The following AAGAB variants were observed in gnomAD, a reference collection of about 807,000 sequenced individuals.
AAGAB encodes alpha- and gamma-adaptin-binding protein p34.
Under a neutral mutation model 44.1 loss-of-function variants are expected in AAGAB, and 38 were observed. The observed-to-expected ratio is 0.86, with a 90% CI of 0.67 to 1.13. The LOEUF (loss-of-function observed/expected upper bound fraction) is 1.13, where lower values mean the gene tolerates loss of function less well. AAGAB is among the 50% of genes most tolerant of loss of function. AAGAB has a pLI of 0.00. For missense variants in AAGAB, 450 were observed against 373.8 expected, an observed-to-expected ratio of 1.20 and a Z score of -1.68; for synonymous variants, 131 against 131.8, an observed-to-expected ratio of 0.99 and a Z score of 0.04.
intron 5 of AAGAB, among the ~76,000 whole-genome samples, chr15:67,222,242 G>GCGCGCGCACACACACA (rs1367738219): frequency 5.6e-5 from 5 of 90,042 alleles, no homozygotes; most frequent in East Asian, 6.1e-4. Flanking sequence ...GCGCGCGCGC[G>GCGCGCGCACACACACA]CACACACACA....
At chr15:67,234,458 G>A (rs892810408) in intron 4 of AAGAB, among the ~76,000 whole-genome samples, 6 of 151,990 alleles carry the variant, frequency 3.9e-5, no homozygotes, top group Non-Finnish European at 5.9e-5. Flanking sequence ...ACCAGTAAGA[G>A]GAAAATTAAT....
intron 1 of AAGAB, among the ~76,000 whole-genome samples, chr15:67,246,999 T>A (rs1263662106): frequency 2.0e-5 from 3 of 152,238 alleles, no homozygotes; most frequent in Non-Finnish European, 4.4e-5. Context: ...GCTCACTCTT[T>A]GGGTCCGTAC....
At position 67,233,469 on chromosome 15, in the gene AAGAB, C is replaced by T. The variant is rs549941752; in HGVS notation, c.452-1572G>A. 6.6e-5 allele frequency among the ~76,000 whole-genome samples: 10 copies of T among 152,248 alleles called. No individual in the cohort carries two copies. In the South Asian group the frequency reaches 1.7e-3, roughly 25 times the overall value. On this transcript the variant is annotated intron_variant, in intron 4 of 9. Transcript: ENST00000261880. ...GCAGATGTTGAGGATTGTAAGGCTG[C>T]GTCTGGAAAATAATGACAGAAATAG... is the stretch of plus-strand genomic sequence containing the variant.
intron 9 of AAGAB, 57 bp downstream of exon 9, chr15:67,203,488 TATA>T: frequency 7.1e-7 from 1 of 1,402,690 alleles, no homozygotes; most frequent in Non-Finnish European, 1.0e-6. Flanking sequence ...GATATATAAT[TATA>T]ATAATAGCAC....
intron 7 of AAGAB, among the ~76,000 whole-genome samples, chr15:67,207,447 T>C (rs888855212): frequency 1.3e-4 from 20 of 152,260 alleles, no homozygotes; most frequent in African/African-American, 4.8e-4. Context: ...AAAGGGTACA[T>C]CTTGGCCTTC....
intron 5 of AAGAB, among the ~76,000 whole-genome samples, chr15:67,223,865 C>A (rs1411898757): frequency 3.3e-5 from 5 of 152,178 alleles, no homozygotes; most frequent in Middle Eastern, 3.2e-3. Flanking sequence ...ATGCACCAGG[C>A]GTGCTCTCAC....
chr15:67,209,426 C>T (rs1291505615), intron 6 of AAGAB, 36 bp downstream of exon 6: 1 of 1,517,970 alleles, frequency 6.6e-7, no homozygotes. Context: ...GAAATTAAAG[C>T]CAAAGAGGGA....
In AAGAB at chr15:67,208,593, G is replaced by A; in HGVS notation, c.684C>T (p.Asn228=). The change falls in exon 7 of 10, where the codon AAC becomes AAT. Residue 228 remains asparagine (N), a synonymous_variant. Coordinates refer to ENST00000261880, the MANE Select transcript of AAGAB (RefSeq NM_024666.5). ...SLSDHRGGAS[N]TTDAQVDSIV... is the part of the protein sequence containing the mutation. ...TGCTATCAACCTGGGCATCTGTTGT[G>A]TTAGATGCACCACCCCGATGATCAG... The A allele has an allele frequency of 6.2e-7, 1 of 1,614,116 alleles. No individual in the cohort carries two copies. The highest frequency in any genetic ancestry group is 8.5e-7 in the Non-Finnish European group (1 of 1,179,976).
intron 5 of AAGAB, among the ~76,000 whole-genome samples, chr15:67,229,118 C>T (rs1415484105): frequency 6.6e-6 from 1 of 152,102 alleles, no homozygotes; most frequent in Non-Finnish European, 1.5e-5. Flanking sequence ...CAAACCTGCA[C>T]GTGTGCTCCT....
chr15:67,210,118 A>C (rs1963780542), intron 5 of AAGAB, among the ~76,000 whole-genome samples: 1 of 152,238 alleles, frequency 6.6e-6, no homozygotes, highest in African/African-American at 2.4e-5. Context: ...ACTATGAACT[A>C]ATATTCCATT....
intron 1 of AAGAB, among the ~76,000 whole-genome samples, chr15:67,239,167 G>A (rs1270401047): frequency 6.6e-6 from 1 of 152,100 alleles, no homozygotes; most frequent in Non-Finnish European, 1.5e-5. Context: ...TAAATTGGTT[G>A]TATTGTTAAA....
intron 5 of AAGAB, among the ~76,000 whole-genome samples, chr15:67,227,154 G>A (rs1051187802): frequency 6.6e-6 from 1 of 152,108 alleles, no homozygotes; most frequent in East Asian, 1.9e-4. Context: ...TTCTATTACT[G>A]CTCAATAAAT....
chr15:67,236,866 T>C (rs111419046), intron 1 of AAGAB, 46 bp from the exon 2 acceptor site: 19 of 1,450,042 alleles, frequency 1.3e-5, no homozygotes, highest in African/African-American at 1.3e-4. Flanking sequence ...AAAACCAATA[T>C]ACATTGGTTG....
intron 1 of AAGAB, among the ~76,000 whole-genome samples, chr15:67,247,315 T>A (rs1197983304): frequency 6.6e-6 from 1 of 152,244 alleles, no homozygotes; most frequent in Non-Finnish European, 1.5e-5. Flanking sequence ...AATGATTTTA[T>A]ATCAGATTGC....
intron 1 of AAGAB, among the ~76,000 whole-genome samples, chr15:67,254,019 C>T (rs926177046): frequency 2.0e-5 from 3 of 152,194 alleles, no homozygotes; most frequent in Non-Finnish European, 4.4e-5. Context: ...CCCAAAAACT[C>T]ATGTTGGCGG....
Position 67,236,711 on chromosome 15 carries a change from A to C in AAGAB, c.183T>G (p.Cys61Trp). ...NKYYSADINL[C>W]VVPNKFLVTA... ...TAACAAGAAATTTGTTTGGCACCAC[A>C]CATAGATTGATGTCTGCTGAATAGT... The change falls in exon 2 of 10, where the codon TGT becomes TGG. Residue 61 changes from cysteine (C) to tryptophan (W), a missense_variant. Physicochemically the swap from Cys to Trp is radical, Grantham distance 215. Coordinates refer to ENST00000261880, the MANE Select transcript of AAGAB (RefSeq NM_024666.5). 1 of 1,613,974 alleles carries C rather than the reference A, an allele frequency of 6.2e-7. No individual in the cohort carries two copies. The highest frequency in any genetic ancestry group is 8.5e-7 in the Non-Finnish European group (1 of 1,179,892).
intron 4 of AAGAB, among the ~76,000 whole-genome samples, chr15:67,233,168 T>C (rs149771189): frequency 1.0e-3 from 156 of 152,196 alleles, no homozygotes; most frequent in Middle Eastern, 3.2e-3. Flanking sequence ...CTGGAAACCA[T>C]AGAATAATAA....
At chr15:67,218,015 T>A (rs1963989557) in intron 5 of AAGAB, among the ~76,000 whole-genome samples, 1 of 152,246 alleles carries the variant, frequency 6.6e-6, no homozygotes, top group South Asian at 2.1e-4. Flanking sequence ...GAATTATTGT[T>A]TCTACTATTA....
intron 5 of AAGAB, among the ~76,000 whole-genome samples, chr15:67,221,760 T>C (rs1964069675): frequency 6.6e-6 from 1 of 152,218 alleles, no homozygotes. Flanking sequence ...AGCCTACTGA[T>C]ATTCTCACAC....
Sources: gnomAD v4.1 joint callset for allele counts (sites outside exome capture counted in the v4.1 genomes callset) on GRCh38, gnomAD v4.1.1 for gene constraint, MANE v1.5 for transcripts, NCBI Gene and HGNC (gene_info 2026-07-23, HGNC 2026-07-21) for gene names.